Variants in SHROOM3 observed in about 807,000 individuals in gnomAD.
SHROOM3 encodes the protein protein Shroom3.
A neutral mutation model predicts 138.6 loss-of-function variants in SHROOM3; 47 were observed. That is an observed-to-expected ratio of 0.34 (90% CI 0.27 to 0.43). The LOEUF is 0.43. Ranked by LOEUF, SHROOM3 falls within the 20% of genes least tolerant of loss-of-function variation. The pLI is 1.00. For synonymous variants in SHROOM3, 1,062 were observed against 1,063.3 expected (o/e 1.00, Z 0.02); for missense variants, 2,491 against 2,596.5 (o/e 0.96, Z 0.88).
At chr4:76,523,963 T>C (rs565559959) in intron 1 of SHROOM3, among the ~76,000 whole-genome samples, 74 of 152,254 alleles carry the variant, frequency 4.9e-4, no homozygotes, top group African/African-American at 1.8e-3. Context: ...GGCAGAACTT[T>C]AAGCAAGGTG....
intron 1 of SHROOM3, among the ~76,000 whole-genome samples, chr4:76,485,746 G>C (rs1490482676): frequency 2.6e-5 from 4 of 152,132 alleles, no homozygotes; most frequent in Non-Finnish European, 5.9e-5. Context: ...AGAATAATGT[G>C]ATCAGGGGCT....
intron 10 of SHROOM3, among the ~76,000 whole-genome samples, chr4:76,772,091 TTTTTTC>T (rs1223708899): frequency 7.7e-6 from 1 of 130,604 alleles, no homozygotes; most frequent in African/African-American, 2.9e-5. Context: ...TGCTACCATC[TTTTTTC>T]TTTTTCTTTT....
At chr4:76,720,154 T>G (rs1474053882) in intron 3 of SHROOM3, among the ~76,000 whole-genome samples, 2 of 55,254 alleles carry the variant, frequency 3.6e-5, no homozygotes, top group East Asian at 9.3e-4. Context: ...TTTTTAGGTT[T>G]TTTTTTTTTT....
intron 1 of SHROOM3, among the ~76,000 whole-genome samples, chr4:76,526,832 A>G (rs1222760419): frequency 2.0e-5 from 3 of 152,160 alleles, no homozygotes; most frequent in Non-Finnish European, 4.4e-5. Context: ...GCCAGCCCTG[A>G]TGTCTATGAC....
intron 1 of SHROOM3, among the ~76,000 whole-genome samples, chr4:76,450,805 C>T (rs1730910781): frequency 6.6e-6 from 1 of 152,026 alleles, no homozygotes; most frequent in South Asian, 2.1e-4. Flanking sequence ...TAGATAGTTG[C>T]CAACTCTGTA....
chr4:76,731,351 T>C (rs1044490170), intron 4 of SHROOM3, among the ~76,000 whole-genome samples: 1 of 152,212 alleles, frequency 6.6e-6, no homozygotes, highest in African/African-American at 2.4e-5. Flanking sequence ...TCAATTAAGG[T>C]AATTTGTCCA....
intron 1 of SHROOM3, among the ~76,000 whole-genome samples, chr4:76,478,310 A>T (rs1351299569): frequency 6.6e-6 from 1 of 152,172 alleles, no homozygotes; most frequent in Non-Finnish European, 1.5e-5. Flanking sequence ...ATCCGCCATT[A>T]CCAAGGCTTG....
chr4:76,542,400 A>C (rs555533665), intron 1 of SHROOM3, among the ~76,000 whole-genome samples: 7 of 152,324 alleles, frequency 4.6e-5, no homozygotes, highest in African/African-American at 1.7e-4. Flanking sequence ...GTGCCATGGG[A>C]AATAAAGGTT....
intron 1 of SHROOM3, among the ~76,000 whole-genome samples, chr4:76,479,207 A>T (rs188714552): frequency 1.2e-4 from 19 of 152,186 alleles, no homozygotes; most frequent in Admixed American, 1.1e-3. Flanking sequence ...GTCCTAACCC[A>T]ATGCAAGGAG....
chr4:76,504,266 C>T (rs560674416), intron 1 of SHROOM3, among the ~76,000 whole-genome samples: 37 of 152,164 alleles, frequency 2.4e-4, no homozygotes, highest in African/African-American at 7.2e-4. Context: ...ACAAGCAATT[C>T]TCCTGTCTCA....
At chr4:76,462,233 A>G (rs951742564) in intron 1 of SHROOM3, among the ~76,000 whole-genome samples, 1 of 152,016 alleles carries the variant, frequency 6.6e-6, no homozygotes, top group Non-Finnish European at 1.5e-5. Context: ...TACTAAACAT[A>G]CAAAAATGCA....
At chr4:76,563,158 A>G (rs7696009) in intron 2 of SHROOM3, among the ~76,000 whole-genome samples, 2,427 of 152,304 alleles carry the variant, frequency 0.016, 67 homozygotes, top group African/African-American at 0.055. Flanking sequence ...AAAATGTTTC[A>G]TCATAGTAAA....
chr4:76,447,216 T>A (rs372160670), intron 1 of SHROOM3, among the ~76,000 whole-genome samples: 1 of 152,184 alleles, frequency 6.6e-6, no homozygotes, highest in Admixed American at 6.5e-5. Flanking sequence ...CCAGGCAATT[T>A]AAGTGGAAAT....
At chr4:76,626,854 A>T (rs948866000) in intron 2 of SHROOM3, among the ~76,000 whole-genome samples, 11 of 152,306 alleles carry the variant, frequency 7.2e-5, no homozygotes, top group African/African-American at 2.6e-4. Flanking sequence ...TTTCTCAGGC[A>T]TTGGATGTTT....
In SHROOM3 at chr4:76,445,894, A is replaced by G. The variant is rs58341412; in HGVS notation, c.168+9674A>G. ...ACAGGACAGGGCTTTCCAAAAGACA[A>G]CTGTTAACCAAAAGACAACTGTCAA... is the stretch of plus-strand genomic sequence containing the variant. On this transcript the variant is annotated intron_variant, in intron 1 of 10. Coordinates refer to ENST00000296043, the MANE Select transcript of SHROOM3 (RefSeq NM_020859.4). 3.2e-3 allele frequency among the ~76,000 whole-genome samples: 484 copies of G among 152,300 alleles called. 3 individuals are homozygous for G. Among genetic ancestry groups the G allele is most frequent in the African/African-American group, 0.011 (458 of 41,572 alleles).
chr4:76,724,376 C>G (rs2110125033), intron 3 of SHROOM3, among the ~76,000 whole-genome samples: 1 of 151,844 alleles, frequency 6.6e-6, no homozygotes, highest in Non-Finnish European at 1.5e-5. Flanking sequence ...TTTAGGAATG[C>G]TTATTAAATG....
intron 1 of SHROOM3, among the ~76,000 whole-genome samples, chr4:76,499,152 T>C (rs1158653056): frequency 6.6e-6 from 1 of 152,226 alleles, no homozygotes; most frequent in Admixed American, 6.5e-5. Flanking sequence ...TTCTTGAGTA[T>C]ATACTAATTA....
intron 2 of SHROOM3, among the ~76,000 whole-genome samples, chr4:76,691,676 G>T (rs1560592644): frequency 6.6e-6 from 1 of 152,044 alleles, no homozygotes; most frequent in Non-Finnish European, 1.5e-5. Context: ...CTGAAAGGTG[G>T]GCAGGGTGTG....
chr4:76,700,555 T>C (rs1460731776), intron 2 of SHROOM3, among the ~76,000 whole-genome samples: 1 of 152,174 alleles, frequency 6.6e-6, no homozygotes, highest in East Asian at 1.9e-4. Flanking sequence ...TGTATGTATA[T>C]ATTTATTCAG....
Sources: gnomAD v4.1 joint callset for allele counts (sites outside exome capture counted in the v4.1 genomes callset) on GRCh38, gnomAD v4.1.1 for gene constraint, MANE v1.5 for transcripts, NCBI Gene and HGNC (gene_info 2026-07-23, HGNC 2026-07-21) for gene names.